Variants in ZSCAN10 observed in about 807,000 individuals in gnomAD.
ZSCAN10 encodes zinc finger and SCAN domain-containing protein 10.
A neutral mutation model predicts 63.7 loss-of-function variants in ZSCAN10; 52 were observed. The ratio of observed to expected loss-of-function variants is 0.82; its 90% confidence interval spans 0.65 to 1.03. The LOEUF (loss-of-function observed/expected upper bound fraction) is 1.03, where lower values mean the gene tolerates loss of function less well. Among genes scored for constraint, ZSCAN10 ranks in the 50% least tolerant of loss-of-function variants. The probability of loss-of-function intolerance (pLI) is 0.00; values close to 1 mark genes in which losing one functional copy is unlikely to be tolerated. For synonymous variants in ZSCAN10, 544 were observed against 479.6 expected (o/e 1.13, Z -1.76); for missense variants, 1,223 against 1,103.8 (o/e 1.11, Z -1.53).
chr16:3,096,837 G>A (rs987808707), intron 1 of ZSCAN10, among the ~76,000 whole-genome samples: 2 of 151,796 alleles, frequency 1.3e-5, no homozygotes, highest in Admixed American at 1.3e-4. Flanking sequence ...GCTGAGAGAG[G>A]AGAATTGCTT....
Position 3,089,210 on chromosome 16 carries a change from G to A in ZSCAN10, c.2224C>T (p.His742Tyr). 2 of 1,584,054 alleles carry A rather than the reference G, an allele frequency of 1.3e-6. No individual in the cohort carries two copies. The highest frequency in any genetic ancestry group is 1.7e-6 in the Non-Finnish European group (2 of 1,172,122). Residue 742 changes from histidine to tyrosine, a missense_variant, in exon 6 of 6, where the codon CAC (histidine) becomes TAC (tyrosine). His to Tyr is a moderately conservative substitution (Grantham distance 83, BLOSUM62 2). Transcript: ENST00000576985. The part of the protein sequence containing the change: ...SFSRSCNLLR[H>Y]LLVHTGARPY... ...CTGGCGCCCGTGTGCACCAGCAGGT[G>A]TCGCAGCAGATTGCAGCTGCGGCTG...
At chr16:3,092,349 CG>C in intron 2 of ZSCAN10, 33 bp from the exon 3 acceptor site, 5 of 1,564,240 alleles carry the variant, frequency 3.2e-6, no homozygotes, top group Non-Finnish European at 3.5e-6. Context: ...AAGTGACTCC[CG>C]GGGTGGCAAC....
chr16:3,094,783 A>G (rs1466259487), intron 1 of ZSCAN10, among the ~76,000 whole-genome samples: 1 of 152,016 alleles, frequency 6.6e-6, no homozygotes, highest in East Asian at 1.9e-4. Flanking sequence ...GCGCTGGTGG[A>G]CAGGAGCCCA....
At chr16:3,091,883 C>T in intron 3 of ZSCAN10, 55 bp from the exon 4 acceptor site, 1 of 1,587,982 alleles carries the variant, frequency 6.3e-7, no homozygotes, top group East Asian at 2.3e-5. Context: ...GCCCTGCCTG[C>T]CATATGGCTG....
intron 1 of ZSCAN10, among the ~76,000 whole-genome samples, chr16:3,097,931 A>T (rs1257285852): frequency 6.6e-6 from 1 of 150,944 alleles, no homozygotes; most frequent in Non-Finnish European, 1.5e-5. Flanking sequence ...TAATCCCAGC[A>T]TTTTGGGTGG....
chr16:3,090,987 T>C (rs1385139535), intron 5 of ZSCAN10, among the ~76,000 whole-genome samples: 1 of 147,414 alleles, frequency 6.8e-6, no homozygotes, highest in African/African-American at 2.5e-5. Flanking sequence ...GGAGAATCGA[T>C]TGAACCCGGG....
rs886311331 is a variant in ZSCAN10 at position 3,090,240 on chromosome 16, G to A, written c.1194C>T (p.His398=). The part of the protein sequence containing the change: ...SSILKLHMRT[H]TDERPHACHL... ...GGCAGGCGTGCGGCCGCTCGTCCGT[G>A]TGAGTGCGCATGTGCAGCTTGAGAA... Residue 398 remains histidine (H), a synonymous_variant, in exon 6 of 6, where the codon CAC becomes CAT. Transcript: ENST00000576985. 5.0e-6 allele frequency: 8 copies of A among 1,607,940 alleles called. No individual in the cohort carries two copies. The highest frequency in any genetic ancestry group is 1.3e-5 in the African/African-American group (1 of 74,912).
intron 5 of ZSCAN10, 152 bp downstream of exon 5, chr16:3,091,388 A>G: frequency 7.5e-6 from 6 of 804,220 alleles, no homozygotes; most frequent in Non-Finnish European, 1.2e-5. Context: ...TCATGCCTGT[A>G]ATCCTAGTAC....
intron 1 of ZSCAN10, among the ~76,000 whole-genome samples, chr16:3,097,913 C>T (rs894055733): frequency 1.3e-5 from 2 of 151,660 alleles, no homozygotes; most frequent in African/African-American, 2.4e-5. Flanking sequence ...TGCGGTGGCT[C>T]ATGCTTATAA....
rs575104118 is a variant in ZSCAN10, at chr16:3,091,834, G to C, written c.665-6C>G. 1.3e-6 allele frequency: 2 copies of C among 1,573,224 alleles called. No homozygotes were observed. The highest frequency in any genetic ancestry group is 3.7e-5 in the Admixed American group (2 of 54,008). On this transcript the variant is annotated splice_region_variant and splice_polypyrimidine_tract_variant and intron_variant, in intron 3 of 5. Transcript: ENST00000576985. ...TGGTGAGGGGCCCTGGGGACCTGAC[G>C]GCATTGGGGAAGAGGGGAGGAAGTG...
Position 3,092,734 on chromosome 16 carries a change from G to A in ZSCAN10, c.204C>T (p.Leu68=). The change falls in exon 2 of 6, where the codon CTC becomes CTT. Residue 68 remains leucine, a synonymous_variant. Coordinates refer to ENST00000576985, the MANE Select transcript of ZSCAN10 (RefSeq NM_032805.3). ...GAGCCGGCCGCAGCCAGTGGCCGCA[G>A]AGCTCCCGGAGCCGGCTCAGGGACG... ...PRASLSRLRE[L]CGHWLRPALH... 3.1e-6 allele frequency: 5 copies of A among 1,612,702 alleles called. No individual in the cohort carries two copies. Among genetic ancestry groups the A allele is most frequent in the Non-Finnish European group, 4.2e-6 (5 of 1,179,652 alleles).
chr16:3,098,508 C>G (rs1437801748), intron 1 of ZSCAN10, among the ~76,000 whole-genome samples: 1 of 152,214 alleles, frequency 6.6e-6, no homozygotes, highest in East Asian at 1.9e-4. Context: ...CAAATTTCAG[C>G]TCTCAGGGCA....
chr16:3,089,674 A>G lies in ZSCAN10; in HGVS notation c.1760T>C (p.Phe587Ser). The G allele has an allele frequency of 6.2e-7, 1 of 1,600,458 alleles. No homozygotes were observed. The highest frequency in any genetic ancestry group is 8.5e-7 in the Non-Finnish European group (1 of 1,174,244). Residue 587 changes from phenylalanine (F) to serine (S), a missense_variant, in exon 6 of 6, where the codon TTT becomes TCT. Phe to Ser is a radical substitution (Grantham distance 155, BLOSUM62 -2). Coordinates refer to ENST00000576985, the MANE Select transcript of ZSCAN10 (RefSeq NM_032805.3). ...PYACPQCGKR[F>S]VRRASLARHL... ...GCGGGCAAGGCTGGCCCGGCGCACA[A>G]AGCGCTTCCCGCACTGCGGACAGGC...
chr16:3,095,491 T>C (rs573523132), intron 1 of ZSCAN10, among the ~76,000 whole-genome samples: 8 of 144,286 alleles, frequency 5.5e-5, no homozygotes, highest in African/African-American at 1.8e-4. Context: ...CACTCCAGCC[T>C]GGGCGACAGC....
At position 3,089,826 on chromosome 16, in the gene ZSCAN10, G is replaced by A; in HGVS notation, c.1608C>T (p.His536=). 6.4e-7 allele frequency: 1 copy of A among 1,567,006 alleles called. No homozygotes were observed. Among genetic ancestry groups the A allele is most frequent in the Non-Finnish European group, 8.6e-7 (1 of 1,163,342 alleles). The change falls in exon 6 of 6, where the codon CAC becomes CAT. Residue 536 remains histidine, a synonymous_variant. Coordinates refer to ENST00000576985, the MANE Select transcript of ZSCAN10 (RefSeq NM_032805.3). ...DCGKAFRRSE[H]LVAHRRVHTG... ...TGTGCACCCTCCGGTGGGCCACCAG[G>A]TGCTCGCTGCGCCGGAAGGCCTTGC...
chr16:3,095,254 A>T (rs995967239), intron 1 of ZSCAN10, among the ~76,000 whole-genome samples: 1 of 152,116 alleles, frequency 6.6e-6, no homozygotes, highest in East Asian at 1.9e-4. Context: ...GTGGTGGCTC[A>T]CACCTGTAAT....
In ZSCAN10 at chr16:3,090,488, C is replaced by G. The variant is rs201096612; in HGVS notation, c.946G>C (p.Gly316Arg). 1.2e-6 allele frequency: 2 copies of G among 1,613,414 alleles called. No homozygotes were observed. The highest frequency in any genetic ancestry group is 2.2e-5 in the South Asian group (2 of 91,072). Residue 316 changes from glycine (G) to arginine (R), a missense_variant, in exon 6 of 6, where the codon GGC (glycine) becomes CGC (arginine). Gly to Arg is a moderately radical substitution (Grantham distance 125, BLOSUM62 -2). Coordinates refer to ENST00000576985, the MANE Select transcript of ZSCAN10 (RefSeq NM_032805.3). ...QSLGRGAAASGPGEDGSLLGS... is the reference protein window; with the variant it reads ...QSLGRGAAASRPGEDGSLLGS... ...AGAAGGGACCCATCTTCACCAGGGC[C>G]GCTAGCCGCAGCGCCCCGTCCGAGC...
chr16:3,090,735 A>G (rs983458818), intron 5 of ZSCAN10, 89 bp from the exon 6 acceptor site: 4 of 1,414,102 alleles, frequency 2.8e-6, no homozygotes, highest in Non-Finnish European at 2.8e-6. Flanking sequence ...AAGTGGAAAG[A>G]AACCCAGGAT....
In ZSCAN10 at chr16:3,090,304, A is replaced by T; in HGVS notation, c.1130T>A (p.Leu377Gln). The T allele has an allele frequency of 1.1e-5, 18 of 1,609,746 alleles. No homozygotes were observed. The highest frequency in any genetic ancestry group is 1.4e-5 in the Non-Finnish European group (17 of 1,178,826). Residue 377 changes from leucine (L) to glutamine (Q), a missense_variant, in exon 6 of 6, where the codon CTG becomes CAG. Transcript: ENST00000576985. ...GAAGCTCTTCCCGCAGCAAAGGCAC[A>T]GGAAGGAGCGCCCAGCCGGGTGCGA... ...LRSHPAGRSF[L>Q]CLCCGKSFGR...
Sources: gnomAD v4.1 joint callset for allele counts (sites outside exome capture counted in the v4.1 genomes callset) on GRCh38, gnomAD v4.1.1 for gene constraint, MANE v1.5 for transcripts, NCBI Gene and HGNC (gene_info 2026-07-23, HGNC 2026-07-21) for gene names.